SLMAP: variants seen among roughly 807,000 people sequenced by gnomAD.
The protein encoded by SLMAP is sarcolemmal membrane-associated protein.
SLMAP carries 44 observed loss-of-function variants against 128.8 expected under a neutral mutation model. The observed-to-expected ratio is 0.34, with a 90% CI of 0.27 to 0.44. The LOEUF (loss-of-function observed/expected upper bound fraction) is 0.44, where lower values mean the gene tolerates loss of function less well. SLMAP is among the 20% of genes least tolerant of loss of function. The pLI is 1.00. For missense variants in SLMAP, 787 were observed against 985.3 expected, an observed-to-expected ratio of 0.80 and a Z score of 2.69; for synonymous variants, 327 against 348.8, an observed-to-expected ratio of 0.94 and a Z score of 0.70.
At chr3:57,805,205 G>A (rs1442054834) in intron 2 of SLMAP, among the ~76,000 whole-genome samples, 2 of 151,916 alleles carry the variant, frequency 1.3e-5, no homozygotes, top group East Asian at 1.9e-4. Flanking sequence ...TCAAATGTGT[G>A]TTCCTAAATG....
intron 2 of SLMAP, among the ~76,000 whole-genome samples, chr3:57,784,998 A>G (rs1046610671): frequency 6.6e-6 from 1 of 152,198 alleles, no homozygotes; most frequent in African/African-American, 2.4e-5. Flanking sequence ...TGAACTTCTC[A>G]GCCTTCAGAA....
chr3:57,842,131 G>C (rs961603159), intron 4 of SLMAP, among the ~76,000 whole-genome samples: 5 of 152,138 alleles, frequency 3.3e-5, no homozygotes, highest in African/African-American at 1.2e-4. Context: ...AGGAGGTTAA[G>C]AGAAGCAATA....
At chr3:57,855,763 G>C (rs975101202) in intron 6 of SLMAP, among the ~76,000 whole-genome samples, 4 of 151,496 alleles carry the variant, frequency 2.6e-5, no homozygotes, top group African/African-American at 9.7e-5. Flanking sequence ...TTAGCTGGAG[G>C]TTGGGTGCGG....
intron 15 of SLMAP, among the ~76,000 whole-genome samples, chr3:57,893,514 T>C (rs1035283421): frequency 6.6e-6 from 1 of 152,154 alleles, no homozygotes; most frequent in Non-Finnish European, 1.5e-5. Flanking sequence ...ATGGAAAATT[T>C]GGCCCTACCT....
intron 17 of SLMAP, among the ~76,000 whole-genome samples, chr3:57,904,831 A>G (rs1330276396): frequency 1.3e-5 from 2 of 152,188 alleles, no homozygotes; most frequent in African/African-American, 2.4e-5. Flanking sequence ...TAAACATTCT[A>G]CAATTCATAG....
At chr3:57,918,949 A>G (rs1305331375) in intron 22 of SLMAP, among the ~76,000 whole-genome samples, 1 of 152,228 alleles carries the variant, frequency 6.6e-6, no homozygotes, top group Non-Finnish European at 1.5e-5. Context: ...CTCATTTGTC[A>G]CCTCAGAGTT....
intron 6 of SLMAP, among the ~76,000 whole-genome samples, chr3:57,851,456 A>G (rs1218573610): frequency 6.8e-6 from 1 of 146,764 alleles, no homozygotes; most frequent in Non-Finnish European, 1.5e-5. Flanking sequence ...GAGATTAGAG[A>G]CTGAGGTATT....
chr3:57,834,464 T>C (rs2153553524), intron 3 of SLMAP, among the ~76,000 whole-genome samples: 1 of 152,264 alleles, frequency 6.6e-6, no homozygotes, highest in African/African-American at 2.4e-5. Flanking sequence ...GAATCTTATA[T>C]GGCTATCTAT....
chr3:57,794,379 A>T (rs528057350), intron 2 of SLMAP, among the ~76,000 whole-genome samples: 1 of 152,290 alleles, frequency 6.6e-6, no homozygotes, highest in Admixed American at 6.5e-5. Context: ...ACATACTTAC[A>T]GTCTTATATT....
At chr3:57,858,032 T>C in intron 7 of SLMAP, 56 bp from the exon 8 acceptor site, 1 of 1,153,582 alleles carries the variant, frequency 8.7e-7, no homozygotes, top group South Asian at 1.3e-5. Flanking sequence ...TTTTTTTATA[T>C]ACATGTGACT....
chr3:57,885,418 T>C (rs1354761870), intron 14 of SLMAP, among the ~76,000 whole-genome samples: 1 of 84,034 alleles, frequency 1.2e-5, no homozygotes, highest in Admixed American at 1.8e-4. Context: ...TGTTGTTGTT[T>C]TTGTGTTTTT....
Position 57,912,491 on chromosome 3 carries a change from C to T in SLMAP, c.1810C>T (p.Leu604Phe), listed in dbSNP as rs777679999. Residue 604 changes from leucine (L) to phenylalanine (F), a missense_variant, in exon 20 of 25, where the codon CTT (leucine) becomes TTT (phenylalanine). Around this residue, in one of 2 missense-constraint regions of SLMAP, gnomAD observed 715 missense variants for 843.6 expected, o/e 0.85. Transcript: ENST00000671191. The part of the protein sequence containing the change: ...LLSARDEILL[L>F]HQAAAKVASE... The stretch of plus-strand genomic sequence containing the variant: ...TAGTGCCCGAGATGAAATTTTGCTC[C>T]TTCATCAAGCAGCAGCAAAGGTTGC... 2.5e-6 allele frequency: 4 copies of T among 1,614,090 alleles called. No homozygotes were observed. The highest frequency in any genetic ancestry group is 2.7e-5 in the African/African-American group (2 of 75,024).
At chr3:57,906,300 CTTTTTTTTTCTTTTTTTTTTTTT>C (rs2096544080) in intron 17 of SLMAP, among the ~76,000 whole-genome samples, 1 of 71,290 alleles carries the variant, frequency 1.4e-5, no homozygotes, top group South Asian at 4.9e-4. Context: ...AAATTTTTTT[CTTTTTTTTTCTTTTTTTTTTTTT>C]TTTTTTTTTA....
chr3:57,828,697 C>T (rs912361443), intron 2 of SLMAP, among the ~76,000 whole-genome samples: 5 of 152,036 alleles, frequency 3.3e-5, no homozygotes, highest in Admixed American at 6.5e-5. Context: ...TCAAGCTAAA[C>T]GGAGGCCAAA....
At chr3:57,910,998 CAT>C (rs1366714152) in intron 19 of SLMAP, among the ~76,000 whole-genome samples, 2 of 152,104 alleles carry the variant, frequency 1.3e-5, no homozygotes, top group African/African-American at 2.4e-5. Context: ...TAGGGTATGT[CAT>C]ATGTGTTTTT....
intron 2 of SLMAP, among the ~76,000 whole-genome samples, chr3:57,802,318 C>T (rs1239316754): frequency 6.6e-6 from 1 of 151,828 alleles, no homozygotes; most frequent in Admixed American, 6.6e-5. Context: ...ACTTTTTCTG[C>T]CCAGGCTGGA....
rs778375404 is a variant in SLMAP at position 57,917,049 on chromosome 3, A to G, written c.2282A>G (p.Glu761Gly). The change falls in exon 22 of 25, where the codon GAA becomes GGA. Residue 761 changes from glutamate (E) to glycine (G), a missense_variant. Glu to Gly is a moderately conservative substitution (Grantham distance 98). This residue lies in a region of SLMAP where 715 missense variants were observed against 843.6 expected (regional missense o/e 0.85). Coordinates refer to ENST00000671191, the MANE Select transcript of SLMAP (RefSeq NM_001377540.1). ...TTAAAAACTCTTCTCAGTAAGGCAG[A>G]AAACCAAGCAAAGGATGTGCAGAAA... The part of the protein sequence containing the change: ...ADLKTLLSKA[E>G]NQAKDVQKEY... 6.2e-7 allele frequency: 1 copy of G among 1,613,820 alleles called. No homozygotes were observed. Among genetic ancestry groups the G allele is most frequent in the South Asian group, 1.1e-5 (1 of 91,084 alleles).
intron 22 of SLMAP, 123 bp from the exon 23 acceptor site, chr3:57,922,766 A>C: frequency 1.1e-6 from 1 of 891,518 alleles, no homozygotes; most frequent in Non-Finnish European, 1.7e-6. Flanking sequence ...CTCCTTAAAC[A>C]AAAAGACTTG....
rs751861171 is a variant in SLMAP at position 57,929,957 on chromosome 3, A to G, written c.*2668A>G. ...TATTGCAAATATTAAAGTTTTAGGT[A>G]AGCCTAAACTTTAATCTACTTTAAT... is the stretch of plus-strand genomic sequence containing the variant. On this transcript the variant is annotated 3_prime_UTR_variant, in exon 25 of 25. Transcript: ENST00000671191. 8.2e-4 allele frequency among the ~76,000 whole-genome samples: 125 copies of G among 152,240 alleles called. 5 individuals are homozygous for G. The highest frequency in any genetic ancestry group is 1.6e-4 in the Non-Finnish European group (11 of 68,042).
Sources: gnomAD v4.1 joint callset for allele counts (sites outside exome capture counted in the v4.1 genomes callset) on GRCh38, gnomAD v4.1.1 for gene constraint, gnomAD v4.1.1 regional missense constraint, MANE v1.5 for transcripts, NCBI Gene and HGNC (gene_info 2026-07-23, HGNC 2026-07-21) for gene names.